Variants in EIPR1 observed in about 807,000 individuals in gnomAD.
EIPR1 encodes the protein EARP and GARP complex-interacting protein 1.
In EIPR1, 25 loss-of-function variants were observed where a neutral mutation model predicts 48.1. The observed-to-expected ratio is 0.52, with a 90% CI of 0.38 to 0.73. The LOEUF (loss-of-function observed/expected upper bound fraction) is 0.73. Among genes scored for constraint, EIPR1 ranks in the 30% least tolerant of loss-of-function variants. The probability of loss-of-function intolerance (pLI) is 0.00; values close to 1 mark genes in which losing one functional copy is unlikely to be tolerated. For missense variants in EIPR1, 415 were observed against 506.2 expected, an observed-to-expected ratio of 0.82 and a Z score of 1.73; for synonymous variants, 204 against 201.9, an observed-to-expected ratio of 1.01 and a Z score of -0.09.
chr2:3,372,231 CA>C (rs1383484993), intron 1 of EIPR1, among the ~76,000 whole-genome samples: 2 of 150,766 alleles, frequency 1.3e-5, no homozygotes, highest in African/African-American at 4.9e-5. Flanking sequence ...ACATTCAAAG[CA>C]GTGTGTAGAG....
At chr2:3,270,113 T>C (rs938863490) in intron 3 of EIPR1, among the ~76,000 whole-genome samples, 10 of 152,334 alleles carry the variant, frequency 6.6e-5, no homozygotes, top group Admixed American at 3.9e-4. Flanking sequence ...TGGATCTTTA[T>C]TGATTTAGAG....
In EIPR1 at chr2:3,307,595, G is replaced by A. The variant is rs146565389; in HGVS notation, c.259+30422C>T. Among the ~76,000 whole-genome samples, 471 of 152,312 alleles carry A rather than the reference G, an allele frequency of 3.1e-3. 2 individuals carry two copies. Among genetic ancestry groups the A allele is most frequent in the African/African-American group, 0.011 (456 of 41,568 alleles). ...CTGCGCACAGCCTCAGGAGCAGCCC[G>A]GGCACGGAAAGACGGCATCCCCACT... On this transcript the variant is annotated intron_variant, in intron 3 of 8. Transcript: ENST00000382125.
At chr2:3,265,348 A>C (rs1211018481) in intron 3 of EIPR1, among the ~76,000 whole-genome samples, 1 of 152,224 alleles carries the variant, frequency 6.6e-6, no homozygotes, top group African/African-American at 2.4e-5. Context: ...ATGAAATGGA[A>C]GGTAAACAGC....
chr2:3,221,378 T>A (rs1314822276), intron 4 of EIPR1, among the ~76,000 whole-genome samples: 1 of 2,896 alleles, frequency 3.5e-4, no homozygotes, highest in African/African-American at 5.7e-4. Context: ...TCACAGTGAG[T>A]CGGGAACACA....
intron 1 of EIPR1, among the ~76,000 whole-genome samples, chr2:3,373,599 G>A (rs963773750): frequency 6.6e-6 from 1 of 152,062 alleles, no homozygotes; most frequent in African/African-American, 2.4e-5. Flanking sequence ...CAAACAGAGA[G>A]CCAAATCATA....
At chr2:3,310,110 T>G (rs1669077390) in intron 3 of EIPR1, among the ~76,000 whole-genome samples, 1 of 152,162 alleles carries the variant, frequency 6.6e-6, no homozygotes, top group South Asian at 2.1e-4. Flanking sequence ...CACCACACTC[T>G]GTTAGAGAAA....
chr2:3,371,585 G>C (rs1671115684), intron 1 of EIPR1, among the ~76,000 whole-genome samples: 1 of 152,168 alleles, frequency 6.6e-6, no homozygotes, highest in Non-Finnish European at 1.5e-5. Context: ...TGCAATCCTA[G>C]TCTCTGATAA....
At chr2:3,345,432 C>CT (rs1050580220) in intron 2 of EIPR1, among the ~76,000 whole-genome samples, 2 of 151,874 alleles carry the variant, frequency 1.3e-5, no homozygotes, top group African/African-American at 4.8e-5. Flanking sequence ...CAAGACTAGC[C>CT]TGGCCAACAC....
intron 3 of EIPR1, among the ~76,000 whole-genome samples, chr2:3,292,560 C>T (rs1668402754): frequency 6.6e-6 from 1 of 152,208 alleles, no homozygotes; most frequent in African/African-American, 2.4e-5. Context: ...TGCTGTCCCT[C>T]TTTTATGAGG....
intron 2 of EIPR1, among the ~76,000 whole-genome samples, chr2:3,340,261 T>C (rs1038132456): frequency 6.6e-6 from 1 of 152,224 alleles, no homozygotes; most frequent in African/African-American, 2.4e-5. Flanking sequence ...CCCAGAGCCA[T>C]GTGAGCTGAA....
At position 3,242,156 on chromosome 2, in the gene EIPR1, A is replaced by G. The variant is rs116340831; in HGVS notation, c.416+15143T>C. Among the ~76,000 whole-genome samples the G allele has an allele frequency of 7.3e-3, 1,106 of 152,100 alleles. 12 individuals are homozygous for G. Among genetic ancestry groups the G allele is most frequent in the African/African-American group, 0.026 (1,069 of 41,460 alleles). ...CTGATGGCTGGAAGACAGAGATTTC[A>G]GGCCCCCGACTCCACACCACAGGCC... On this transcript the variant is annotated intron_variant, in intron 4 of 8. Coordinates refer to ENST00000382125, the MANE Select transcript of EIPR1 (RefSeq NM_003310.5).
intron 2 of EIPR1, among the ~76,000 whole-genome samples, chr2:3,354,175 C>T (rs1670661519): frequency 6.6e-6 from 1 of 152,130 alleles, no homozygotes; most frequent in Non-Finnish European, 1.5e-5. Context: ...GAGGTTGTGA[C>T]ACACCCCACA....
intron 5 of EIPR1, among the ~76,000 whole-genome samples, chr2:3,209,626 G>C (rs1665371167): frequency 6.6e-6 from 1 of 152,180 alleles, no homozygotes; most frequent in African/African-American, 2.4e-5. Context: ...TAAAAGGAAA[G>C]ACCAACAAAC....
At chr2:3,236,566 C>T (rs1666411960) in intron 4 of EIPR1, among the ~76,000 whole-genome samples, 1 of 152,202 alleles carries the variant, frequency 6.6e-6, no homozygotes, top group African/African-American at 2.4e-5. Flanking sequence ...AGAAGGGACG[C>T]AATCGTGGGC....
intron 8 of EIPR1, among the ~76,000 whole-genome samples, chr2:3,191,371 G>C (rs546973998): frequency 1.3e-5 from 2 of 152,084 alleles, no homozygotes; most frequent in East Asian, 3.9e-4. Context: ...TGAAGACAGA[G>C]ACAATCAGAT....
At chr2:3,356,780 G>A (rs1670740192) in intron 1 of EIPR1, among the ~76,000 whole-genome samples, 1 of 152,220 alleles carries the variant, frequency 6.6e-6, no homozygotes, top group African/African-American at 2.4e-5. Context: ...AATCAGAGAG[G>A]TGGTGAGGCA....
intron 3 of EIPR1, chr2:3,257,697 G>C (rs928020958): frequency 4.1e-5 from 16 of 391,392 alleles, no homozygotes; most frequent in Non-Finnish European, 5.5e-5. Flanking sequence ...AAACCATCAT[G>C]CTGTTTCAAA....
chr2:3,277,759 C>T (rs532739881), intron 3 of EIPR1, among the ~76,000 whole-genome samples: 33 of 152,368 alleles, frequency 2.2e-4, no homozygotes, highest in African/African-American at 2.9e-4. Context: ...TTACTTGTTG[C>T]GCAGCCTCGG....
intron 1 of EIPR1, among the ~76,000 whole-genome samples, chr2:3,370,879 T>C (rs1341904395): frequency 6.6e-6 from 1 of 151,886 alleles, no homozygotes; most frequent in Non-Finnish European, 1.5e-5. Flanking sequence ...ATTCAGGAAA[T>C]ACAGAGAATG....
Sources: allele counts gnomAD v4.1 joint callset (sites outside exome capture counted in the v4.1 genomes callset), GRCh38; gene constraint gnomAD v4.1.1; transcripts MANE v1.5; gene names NCBI Gene and HGNC (gene_info 2026-07-23, HGNC 2026-07-21).